Variants in NFATC2 observed in about 807,000 individuals in gnomAD.
The protein encoded by NFATC2 is nuclear factor of activated T-cells, cytoplasmic 2.
NFATC2 carries 22 observed loss-of-function variants against 87.3 expected under a neutral mutation model. That is an observed-to-expected ratio of 0.25 (90% CI 0.18 to 0.36). The LOEUF (loss-of-function observed/expected upper bound fraction) is 0.36. Ranked by LOEUF, NFATC2 falls within the 10% of genes least tolerant of loss-of-function variation. The pLI is 1.00. For missense variants in NFATC2, 1,149 were observed against 1,259.1 expected (o/e 0.91, Z 1.32); for synonymous variants, 565 against 542.2 (o/e 1.04, Z -0.58).
rs1986108200 is a variant in NFATC2, at chr20:51,389,610, C to T, written c.*1886G>A. Reference sequence around the variant, plus strand: ...AGAGAATTTTGCTAAACTCTTTGAGCTTAGGGTGGGTGAGGGAAAGGTCGT... The same window carrying T: ...AGAGAATTTTGCTAAACTCTTTGAGTTTAGGGTGGGTGAGGGAAAGGTCGT... On this transcript the variant is annotated 3_prime_UTR_variant, in exon 11 of 11. Transcript: ENST00000371564. 6.6e-6 allele frequency: 1 copy of T among 152,128 alleles called. No homozygotes were observed. Among genetic ancestry groups the T allele is most frequent in the Non-Finnish European group, 1.5e-5 (1 of 68,012 alleles). 9.4% of individuals were successfully genotyped at this position (152,128 alleles called of 1,614,324 possible).
chr20:51,474,851 A>C (rs1350650516), intron 4 of NFATC2, among the ~76,000 whole-genome samples: 1 of 152,202 alleles, frequency 6.6e-6, no homozygotes, highest in East Asian at 1.9e-4. Flanking sequence ...TGATCTCTCT[A>C]GGTCAAATTA....
In NFATC2 at chr20:51,432,528, C is replaced by T. The variant is rs201185420; in HGVS notation, c.2261G>A (p.Arg754Gln). 2.1e-5 allele frequency: 32 copies of T among 1,554,720 alleles called. No homozygotes were observed. The African/African-American group carries it at 3.8e-4, about 19-fold the overall frequency. The stretch of plus-strand genomic sequence containing the variant: ...CAGGCTGGGGCTCAGGCTCTTGCTC[C>T]GCTGGTAGAGTACGGCCGCTGGGTT... ...QQNPAAVLYQ[R>Q]SKSLSPSLLG... The change falls in exon 9 of 11, where the codon CGG becomes CAG. Residue 754 changes from arginine (R) to glutamine (Q), a missense_variant. Transcript: ENST00000371564. This position sits in a 1 kb window ranked among gnomAD's most constrained non-coding sequence, Gnocchi z 4.6.
At chr20:51,536,720 C>T (rs536224780) in intron 1 of NFATC2, among the ~76,000 whole-genome samples, 115 of 152,282 alleles carry the variant, frequency 7.6e-4, no homozygotes, top group African/African-American at 2.0e-3. Context: ...CCTGCAAGGC[C>T]GATGCTCAGT....
intron 5 of NFATC2, among the ~76,000 whole-genome samples, chr20:51,458,546 C>T (rs796123769): frequency 9.2e-5 from 14 of 151,830 alleles, no homozygotes; most frequent in African/African-American, 3.1e-4. Flanking sequence ...CGCCTGTAAT[C>T]CTAGCACTTT....
intron 3 of NFATC2, among the ~76,000 whole-genome samples, chr20:51,513,668 G>A (rs1038857519): frequency 2.6e-5 from 4 of 152,160 alleles, no homozygotes; most frequent in Non-Finnish European, 1.5e-5. Flanking sequence ...TGGGTGAGCT[G>A]AGCCTCACTC....
chr20:51,539,014 C>A (rs1326881396), intron 1 of NFATC2, among the ~76,000 whole-genome samples: 2 of 152,126 alleles, frequency 1.3e-5, no homozygotes, highest in Non-Finnish European at 2.9e-5. Flanking sequence ...CAACACTGCC[C>A]ATTTTGGGAA....
At chr20:51,491,211 C>A (rs1020015777) in intron 3 of NFATC2, among the ~76,000 whole-genome samples, 6 of 152,054 alleles carry the variant, frequency 3.9e-5, no homozygotes, top group East Asian at 3.9e-4. Flanking sequence ...GCACCAATGA[C>A]CCCTTCTGCA....
At chr20:51,461,654 C>T (rs980319503) in intron 5 of NFATC2, among the ~76,000 whole-genome samples, 24 of 152,264 alleles carry the variant, frequency 1.6e-4, no homozygotes, top group African/African-American at 5.8e-4. Context: ...CTGACACCGG[C>T]ACAGGGTTCC....
At chr20:51,490,928 T>C (rs959111957) in intron 3 of NFATC2, among the ~76,000 whole-genome samples, 2 of 152,206 alleles carry the variant, frequency 1.3e-5, no homozygotes, top group African/African-American at 2.4e-5. Context: ...AGCACTGGGT[T>C]TGGGGAGCCC....
upstream of NFATC2, among the ~76,000 whole-genome samples, chr20:51,543,143 A>AT (rs1453475913): frequency 6.6e-6 from 1 of 151,964 alleles, no homozygotes; most frequent in African/African-American, 2.4e-5. Flanking sequence ...GGGCGGCATG[A>AT]TTTTCACAGT....
At chr20:51,430,737 T>C (rs75193292) in intron 9 of NFATC2, among the ~76,000 whole-genome samples, 4,633 of 152,312 alleles carry the variant, frequency 0.03, 237 homozygotes, top group African/African-American at 0.1. Context: ...CAACAGCCTC[T>C]GACTATGCAG....
chr20:51,487,835 G>A (rs924075697), intron 3 of NFATC2, among the ~76,000 whole-genome samples: 3 of 151,996 alleles, frequency 2.0e-5, no homozygotes, highest in South Asian at 2.1e-4. Flanking sequence ...GAAGGCAGAC[G>A]TGATGTGTAC....
At chr20:51,468,122 C>A (rs938483929) in intron 5 of NFATC2, among the ~76,000 whole-genome samples, 1 of 152,156 alleles carries the variant, frequency 6.6e-6, no homozygotes, top group Non-Finnish European at 1.5e-5. Flanking sequence ...GATTAATCAA[C>A]CGTGATAGAA....
chr20:51,493,162 A>G (rs2075926271), intron 3 of NFATC2, among the ~76,000 whole-genome samples: 1 of 152,154 alleles, frequency 6.6e-6, no homozygotes, highest in Admixed American at 6.5e-5. Flanking sequence ...TCAAGTCCCA[A>G]CTGCTGAACT....
intron 3 of NFATC2, among the ~76,000 whole-genome samples, chr20:51,491,918 ACC>A (rs1238313571): frequency 7.8e-5 from 7 of 89,972 alleles, no homozygotes; most frequent in African/African-American, 3.1e-4. Context: ...ACACACACAC[ACC>A]CCTTGCCCCA....
At chr20:51,391,478 G>GT in intron 10 of NFATC2, 27 bp from the exon 11 acceptor site, 2 of 1,526,928 alleles carry the variant, frequency 1.3e-6, no homozygotes. Flanking sequence ...GAGGGGGGGG[G>GT]AGAGAGAATG....
chr20:51,512,675 ATTCATT>A (rs1568710579), intron 3 of NFATC2, among the ~76,000 whole-genome samples: 1 of 152,260 alleles, frequency 6.6e-6, no homozygotes, highest in Non-Finnish European at 1.5e-5. Flanking sequence ...ATGGTCTTAT[ATTCATT>A]TTCTTTTTAT....
At chr20:51,426,093 C>T (rs533909064) in intron 9 of NFATC2, among the ~76,000 whole-genome samples, 2 of 151,144 alleles carry the variant, frequency 1.3e-5, no homozygotes, top group South Asian at 2.1e-4. Context: ...TGAGGAAGCC[C>T]ATCTCCAAAG....
At chr20:51,475,349 C>G in intron 4 of NFATC2, 109 bp downstream of exon 4, 1 of 1,020,298 alleles carries the variant, frequency 9.8e-7, no homozygotes, top group Non-Finnish European at 1.5e-6. Flanking sequence ...GAACTGCCAT[C>G]AACAGCTGCT....
Sources: gnomAD v4.1 joint callset for allele counts (sites outside exome capture counted in the v4.1 genomes callset) on GRCh38, gnomAD v4.1.1 for gene constraint, Gnocchi (gnomAD v3.1) non-coding constraint, MANE v1.5 for transcripts, NCBI Gene and HGNC (gene_info 2026-07-23, HGNC 2026-07-21) for gene names.